B4GALT4: variants seen among roughly 807,000 people sequenced by gnomAD.
B4GALT4 encodes the protein beta-1,4-galactosyltransferase 4, also known as N-acetyllactosamine synthase.
In B4GALT4, 27 loss-of-function variants were observed where a neutral mutation model predicts 37.3. The observed-to-expected ratio is 0.72, with a 90% CI of 0.53 to 1.00. The LOEUF (loss-of-function observed/expected upper bound fraction) is 1.00, where lower values mean the gene tolerates loss of function less well. B4GALT4 is among the 50% of genes least tolerant of loss of function. The pLI, the probability that B4GALT4 is intolerant of heterozygous loss-of-function variation, is 0.00. For synonymous variants in B4GALT4, 148 were observed against 154.1 expected (o/e 0.96, Z 0.29); for missense variants, 372 against 413.1 (o/e 0.90, Z 0.86).
rs981351313 is a variant in B4GALT4, at chr3:119,224,446, A to G, written c.487-201T>C. Among the ~76,000 whole-genome samples, 40 of 152,246 alleles carry G rather than the reference A, an allele frequency of 2.6e-4. 2 individuals carry two copies. The highest frequency in any genetic ancestry group is 4.4e-5 in the Non-Finnish European group (3 of 68,044). ...TTTTCTTCGTGCTTCACACATACTT[A>G]TATTCCAGAACTTAGAAACAGTCCT... On this transcript the variant is annotated intron_variant, in intron 4 of 7. Transcript: ENST00000393765.
chr3:119,236,391 T>C (rs1316385194), intron 2 of B4GALT4: 1 of 152,122 alleles, frequency 6.6e-6, no homozygotes, highest in Non-Finnish European at 1.5e-5. Context: ...TTGATCAATG[T>C]AGTATGGTTA....
chr3:119,220,239 T>C (rs966076705), intron 5 of B4GALT4, among the ~76,000 whole-genome samples: 2 of 152,256 alleles, frequency 1.3e-5, no homozygotes, highest in Non-Finnish European at 2.9e-5. Context: ...ACTAGCAGTG[T>C]CTCATTACCA....
At position 119,226,605 on chromosome 3, in the gene B4GALT4, A is replaced by G. The variant is rs189149176; in HGVS notation, c.486+204T>C. ...TCCAGAGGTTCCTTTAAGGGCAGTA[A>G]AATTTCCCAGAACTTGAACCCATAA... On this transcript the variant is annotated intron_variant, in intron 4 of 7. Transcript: ENST00000393765. 325 of 582,078 alleles carry G rather than the reference A, an allele frequency of 5.6e-4. No homozygotes were observed. In the African/African-American group the frequency reaches 5.7e-3, roughly 10 times the overall value. 36.1% of individuals were successfully genotyped at this position (582,078 alleles called of 1,614,324 possible).
chr3:119,223,959 T>C (rs1404705414), intron 5 of B4GALT4, 99 bp downstream of exon 5: 1 of 1,303,704 alleles, frequency 7.7e-7, no homozygotes, highest in African/African-American at 1.5e-5. Flanking sequence ...TTTTTCTATT[T>C]CTCATTTTCT....
chr3:119,237,823 T>C (rs990992183), intron 1 of B4GALT4, among the ~76,000 whole-genome samples: 38 of 152,150 alleles, frequency 2.5e-4, no homozygotes, highest in African/African-American at 8.7e-4. Context: ...TAACCAAAAA[T>C]TGAAGAGTCT....
At position 119,212,653 on chromosome 3, in the gene B4GALT4, C is replaced by CT; in HGVS notation, c.930dup (p.Val311SerfsTer9). 1 of 1,609,862 alleles carries CT rather than the reference C, an allele frequency of 6.2e-7. No individual in the cohort carries two copies. The highest frequency in any genetic ancestry group is 1.1e-5 in the South Asian group (1 of 89,814). ...CTACTCAACCCATCTGTTCTCCAGA[C>CT]TCGTGACACTTGGTGTAAGAGCTTC... On this transcript the variant is annotated frameshift_variant, in exon 8 of 8. Transcript: ENST00000393765. LOFTEE classifies it high-confidence loss of function.
At chr3:119,220,519 G>C (rs1479914670) in intron 5 of B4GALT4, among the ~76,000 whole-genome samples, 1 of 152,230 alleles carries the variant, frequency 6.6e-6, no homozygotes. Context: ...GGAGAGAGGT[G>C]TCGCCACATC....
chr3:119,212,726 T>C (rs1227170077), intron 7 of B4GALT4, 45 bp from the exon 8 acceptor site: 3 of 1,523,858 alleles, frequency 2.0e-6, no homozygotes, highest in South Asian at 1.3e-5. Flanking sequence ...ATTTAACATA[T>C]GTCTCCACTG....
In B4GALT4 at chr3:119,216,343, C is replaced by A. The variant is rs1259175265; in HGVS notation, c.799G>T (p.Val267Phe). Reference protein sequence around the residue: ...GGEDDDLRLRVELQRMKISRP... With the variant: ...GGEDDDLRLRFELQRMKISRP... ...GAAATTTTCATTCTTTGGAGCTCAACCCTAGAAAAATAATAGAGATTTTTT... is the reference window on the plus strand; with the variant it reads ...GAAATTTTCATTCTTTGGAGCTCAAACCTAGAAAAATAATAGAGATTTTTT... The change falls in exon 7 of 8, where the codon GTT (valine) becomes TTT (phenylalanine). Residue 267 changes from valine (V) to phenylalanine (F), a missense_variant and splice_region_variant. By Grantham distance (50) the Val-to-Phe change is conservative (BLOSUM62 -1). Transcript: ENST00000393765. 5 of 1,609,478 alleles carry A rather than the reference C, an allele frequency of 3.1e-6. No individual in the cohort carries two copies. In the East Asian group the frequency reaches 1.1e-4, roughly 36 times the overall value.
chr3:119,216,224 T>G lies in B4GALT4; in HGVS notation c.902+16A>C, dbSNP rs1454924119. The G allele has an allele frequency of 6.3e-7, 1 of 1,591,398 alleles. No individual in the cohort carries two copies. The highest frequency in any genetic ancestry group is 2.3e-5 in the East Asian group (1 of 44,412). On this transcript the variant is annotated intron_variant, in intron 7 of 7. Transcript: ENST00000393765. ...CTAGGGAGGTAGCCTGCTAGGCAGG[T>G]GAAGCCAGGACTTACCGTTCTGCGT...
In B4GALT4 at chr3:119,226,797, C is replaced by G. The variant is rs201535886; in HGVS notation, c.486+12G>C. ...GGGTCGAGGGCAGGCCCTGGTCTGC[C>G]CCCACGCTCACCTGGTGGATGACGT... On this transcript the variant is annotated intron_variant, in intron 4 of 7. Transcript: ENST00000393765. 8.1e-6 allele frequency: 13 copies of G among 1,610,188 alleles called. No homozygotes were observed. In the African/African-American group the frequency reaches 1.3e-4, roughly 17 times the overall value.
At chr3:119,240,393 C>G (rs1448530584) in intron 1 of B4GALT4, 3 of 152,260 alleles carry the variant, frequency 2.0e-5, no homozygotes, top group African/African-American at 7.2e-5. Flanking sequence ...TCGCCGGCCC[C>G]TCGCAGGACT....
chr3:119,213,034 C>G (rs762685521), intron 7 of B4GALT4: 7 of 167,516 alleles, frequency 4.2e-5, no homozygotes, highest in Non-Finnish European at 6.3e-5. Context: ...CTGAATCTTC[C>G]TATGTTATAA....
chr3:119,240,470 G>C (rs1166183763), intron 1 of B4GALT4: 1 of 152,302 alleles, frequency 6.6e-6, no homozygotes, highest in Non-Finnish European at 1.5e-5. Flanking sequence ...CAGGAAGAAG[G>C]GGCTTTTTCA....
chr3:119,221,914 A>G (rs113555669), intron 5 of B4GALT4, among the ~76,000 whole-genome samples: 1,561 of 152,358 alleles, frequency 0.01, 24 homozygotes, highest in African/African-American at 0.035. Context: ...TAGAAACAGC[A>G]AGAGTCATAC....
rs199581744 is a variant in B4GALT4 at position 119,224,135 on chromosome 3, G to A, written c.597C>T (p.Pro199=). ...CFIFHDVDLV[P]ENDFNLYKCE... Reference sequence around the variant, plus strand: ...ACTTGTAAAGGTTAAAGTCATTCTCGGGTACCAGGTCCACATCGTGGAATA... The same window carrying A: ...ACTTGTAAAGGTTAAAGTCATTCTCAGGTACCAGGTCCACATCGTGGAATA... The change falls in exon 5 of 8, where the codon CCC becomes CCT. Residue 199 remains proline (P), a synonymous_variant. Coordinates refer to ENST00000393765, the MANE Select transcript of B4GALT4 (RefSeq NM_003778.4). 9.3e-6 allele frequency: 15 copies of A among 1,614,014 alleles called. No homozygotes were observed. Among genetic ancestry groups the A allele is most frequent in the South Asian group, 2.2e-5 (2 of 91,058 alleles).
chr3:119,220,537 G>A (rs2078418340), intron 5 of B4GALT4, among the ~76,000 whole-genome samples: 1 of 152,230 alleles, frequency 6.6e-6, no homozygotes, highest in Non-Finnish European at 1.5e-5. Flanking sequence ...ATCAGGAGGA[G>A]GGGGCCTGGA....
chr3:119,240,733 C>T (rs1384575062), intron 1 of B4GALT4, 117 bp downstream of exon 1: 1 of 152,368 alleles, frequency 6.6e-6, no homozygotes, highest in Non-Finnish European at 1.5e-5. Flanking sequence ...ACGTCATCCC[C>T]ACGCCCGCCC....
At chr3:119,222,042 G>C (rs2078465537) in intron 5 of B4GALT4, among the ~76,000 whole-genome samples, 1 of 152,142 alleles carries the variant, frequency 6.6e-6, no homozygotes. Context: ...TTATGGTTCA[G>C]CTTAATAGAA....
Sources: gnomAD v4.1 joint callset for allele counts (sites outside exome capture counted in the v4.1 genomes callset) on GRCh38, gnomAD v4.1.1 for gene constraint, MANE v1.5 for transcripts, NCBI Gene and HGNC (gene_info 2026-07-23, HGNC 2026-07-21) for gene names.